Variants in STXBP5L observed in about 807,000 individuals in gnomAD.
The protein encoded by STXBP5L is syntaxin-binding protein 5-like.
STXBP5L carries 65 observed loss-of-function variants against 144.5 expected under a neutral mutation model. The ratio of observed to expected loss-of-function variants is 0.45; its 90% CI spans 0.37 to 0.55. The LOEUF (loss-of-function observed/expected upper bound fraction) is 0.55. Ranked by LOEUF, STXBP5L falls within the 20% of genes least tolerant of loss-of-function variation. The pLI is 0.00. For missense variants in STXBP5L, 1,298 were observed against 1,405.5 expected (o/e 0.92, Z 1.22); for synonymous variants, 505 against 469.6 (o/e 1.08, Z -0.97).
At chr3:121,376,088 G>T (rs536986462) in intron 20 of STXBP5L, among the ~76,000 whole-genome samples, 2 of 152,124 alleles carry the variant, frequency 1.3e-5, no homozygotes, top group African/African-American at 4.8e-5. Context: ...ACCGACAATC[G>T]TAATTAACTT....
intron 10 of STXBP5L, among the ~76,000 whole-genome samples, chr3:121,209,874 A>G (rs1479668696): frequency 6.6e-6 from 1 of 152,214 alleles, no homozygotes; most frequent in Non-Finnish European, 1.5e-5. Flanking sequence ...GCTATTGTGA[A>G]TAGTGCTGCA....
chr3:120,977,622 G>T (rs1235745745), intron 3 of STXBP5L, among the ~76,000 whole-genome samples: 1 of 152,092 alleles, frequency 6.6e-6, no homozygotes, highest in Non-Finnish European at 1.5e-5. Flanking sequence ...CTTAGTTGAG[G>T]CAGTTTCTTC....
At chr3:121,286,247 TAAAAG>T (rs1290661133) in intron 19 of STXBP5L, among the ~76,000 whole-genome samples, 1 of 150,718 alleles carries the variant, frequency 6.6e-6, no homozygotes, top group Non-Finnish European at 1.5e-5. Context: ...AAAGAAGAAA[TAAAAG>T]AAAAGGGGAT....
chr3:121,355,958 GTC>G, intron 20 of STXBP5L, among the ~76,000 whole-genome samples: 1 of 152,310 alleles, frequency 6.6e-6, no homozygotes, highest in East Asian at 1.9e-4. Context: ...TCAGCTGGTG[GTC>G]TGTTGGAGTT....
At chr3:121,162,370 GCAGAAAACTGAA>G (rs1355695298) in intron 9 of STXBP5L, among the ~76,000 whole-genome samples, 6 of 152,092 alleles carry the variant, frequency 3.9e-5, no homozygotes, top group Admixed American at 3.9e-4. Flanking sequence ...CTAGTGATAT[GCAGAAAACTGAA>G]CTGGACTCCT....
chr3:120,977,340 C>G (rs1941175904), intron 3 of STXBP5L, among the ~76,000 whole-genome samples: 2 of 152,126 alleles, frequency 1.3e-5, no homozygotes, highest in Admixed American at 1.3e-4. Flanking sequence ...GGTTTAAAGT[C>G]TGTTTTGTCA....
At chr3:121,106,966 G>T (rs1215038785) in intron 5 of STXBP5L, among the ~76,000 whole-genome samples, 1 of 152,058 alleles carries the variant, frequency 6.6e-6, no homozygotes, top group Non-Finnish European at 1.5e-5. Context: ...TTACATTGTG[G>T]TTTTGATTTG....
At chr3:121,062,871 C>T (rs961358413) in intron 5 of STXBP5L, among the ~76,000 whole-genome samples, 6 of 152,158 alleles carry the variant, frequency 3.9e-5, no homozygotes, top group African/African-American at 1.4e-4. Context: ...CATTTATGTT[C>T]TTCTCTAAAT....
chr3:121,048,173 C>T (rs1012238118), intron 5 of STXBP5L, among the ~76,000 whole-genome samples: 1 of 152,142 alleles, frequency 6.6e-6, no homozygotes, highest in Non-Finnish European at 1.5e-5. Context: ...TGAATATAGA[C>T]CCCCAATTTC....
chr3:121,362,194 C>A (rs543178128), intron 20 of STXBP5L, among the ~76,000 whole-genome samples: 7 of 152,340 alleles, frequency 4.6e-5, no homozygotes, highest in Admixed American at 1.3e-4. Context: ...TGAAGTGACA[C>A]CCTTGTGGCC....
At chr3:121,093,415 G>T (rs1175081147) in intron 5 of STXBP5L, among the ~76,000 whole-genome samples, 1 of 152,082 alleles carries the variant, frequency 6.6e-6, no homozygotes, top group African/African-American at 2.4e-5. Flanking sequence ...ACTCTTTTTG[G>T]TTGGTAAGCT....
chr3:121,369,455 A>C (rs1251234548), intron 20 of STXBP5L, among the ~76,000 whole-genome samples: 3 of 151,944 alleles, frequency 2.0e-5, no homozygotes, highest in African/African-American at 4.8e-5. Flanking sequence ...GGTCACTGAA[A>C]TTCTAAAGAT....
chr3:121,075,508 G>A (rs367820963), intron 5 of STXBP5L, among the ~76,000 whole-genome samples: 1 of 152,118 alleles, frequency 6.6e-6, no homozygotes, highest in South Asian at 2.1e-4. Flanking sequence ...TTGGTAATAT[G>A]CCTTCAAAAC....
intron 7 of STXBP5L, among the ~76,000 whole-genome samples, chr3:121,129,517 T>A (rs2044872838): frequency 6.6e-6 from 1 of 152,036 alleles, no homozygotes; most frequent in Non-Finnish European, 1.5e-5. Context: ...CTAGCTTTTA[T>A]GTGTATAGAT....
chr3:121,197,887 G>A (rs1208738971), intron 9 of STXBP5L, among the ~76,000 whole-genome samples: 1 of 152,138 alleles, frequency 6.6e-6, no homozygotes, highest in Admixed American at 6.5e-5. Context: ...TCTTAATCCA[G>A]TCTATCACTG....
At position 121,420,691 on chromosome 3, in the gene STXBP5L, T is replaced by C. The variant is rs2047336694; in HGVS notation, c.*1594T>C. 6.6e-6 allele frequency: 1 copy of C among 152,148 alleles called. No individual in the cohort carries two copies. Among genetic ancestry groups the C allele is most frequent in the African/African-American group, 2.4e-5 (1 of 41,448 alleles). 9.4% of individuals were successfully genotyped at this position (152,148 alleles called of 1,614,324 possible). A position where few individuals can be genotyped will look rare whatever the true frequency, so the allele number is the denominator to read the frequency against. On this transcript the variant is annotated 3_prime_UTR_variant, in exon 27 of 27. Coordinates refer to ENST00000471454, the MANE Select transcript of STXBP5L (RefSeq NM_001308330.2). ...TTAATTATGGTTTTGGCTTATTGAA[T>C]TTTTGTTTATCAAGGTCTCATTGGA...
intron 19 of STXBP5L, among the ~76,000 whole-genome samples, chr3:121,311,597 T>G (rs926780924): frequency 6.6e-6 from 1 of 152,136 alleles, no homozygotes; most frequent in Admixed American, 6.6e-5. Flanking sequence ...TCACAATTGC[T>G]TCAAAGAGAA....
chr3:121,215,132 C>G (rs1397064332), intron 10 of STXBP5L, among the ~76,000 whole-genome samples: 2 of 152,106 alleles, frequency 1.3e-5, no homozygotes, highest in Non-Finnish European at 2.9e-5. Context: ...ATACAGCACA[C>G]TGATGGGTCT....
intron 5 of STXBP5L, among the ~76,000 whole-genome samples, chr3:121,093,440 C>A (rs1307213514): frequency 6.6e-6 from 1 of 152,304 alleles, no homozygotes; most frequent in East Asian, 1.9e-4. Flanking sequence ...ATTATTGCCA[C>A]AATTTCAGCT....
Sources: gnomAD v4.1 joint callset for allele counts (sites outside exome capture counted in the v4.1 genomes callset) on GRCh38, gnomAD v4.1.1 for gene constraint, MANE v1.5 for transcripts, NCBI Gene and HGNC (gene_info 2026-07-23, HGNC 2026-07-21) for gene names.